The following AGBL4 variants were observed in gnomAD, a reference collection of about 807,000 sequenced individuals.
AGBL4 encodes the protein AGBL carboxypeptidase 4.
In AGBL4, 58 loss-of-function variants were observed where a neutral mutation model predicts 66.4. The ratio of observed to expected loss-of-function variants is 0.87; its 90% CI spans 0.71 to 1.09. The LOEUF is 1.09. Ranked by LOEUF, AGBL4 falls within the 50% of genes least tolerant of loss-of-function variation. The pLI, the probability that AGBL4 is intolerant of heterozygous loss-of-function variation, is 0.00. For synonymous variants in AGBL4, 234 were observed against 222.9 expected, an observed-to-expected ratio of 1.05 and a Z score of -0.44; for missense variants, 579 against 631.0, an observed-to-expected ratio of 0.92 and a Z score of 0.88.
At chr1:48,853,812 A>G (rs995502213) in intron 6 of AGBL4, among the ~76,000 whole-genome samples, 8 of 152,104 alleles carry the variant, frequency 5.3e-5, no homozygotes, top group African/African-American at 1.9e-4. Context: ...CTGGCCTACA[A>G]GAGATATTCC....
At chr1:48,577,725 G>C (rs1328478473) in intron 11 of AGBL4, among the ~76,000 whole-genome samples, 1 of 152,116 alleles carries the variant, frequency 6.6e-6, no homozygotes, top group African/African-American at 2.4e-5. Flanking sequence ...GCATCCAGCA[G>C]AGCTGCAACT....
intron 2 of AGBL4, among the ~76,000 whole-genome samples, chr1:49,773,395 C>T (rs963105611): frequency 6.6e-6 from 1 of 152,140 alleles, no homozygotes; most frequent in Non-Finnish European, 1.5e-5. Context: ...ATCTGCACAT[C>T]GAGTGGAAGT....
At chr1:49,657,151 C>T (rs1339422904) in intron 3 of AGBL4, among the ~76,000 whole-genome samples, 1 of 152,192 alleles carries the variant, frequency 6.6e-6, no homozygotes, top group Non-Finnish European at 1.5e-5. Context: ...TAAGCAGCTT[C>T]AGCAAAGTCT....
intron 4 of AGBL4, among the ~76,000 whole-genome samples, chr1:49,065,201 A>T (rs1401024259): frequency 6.6e-6 from 1 of 152,174 alleles, no homozygotes; most frequent in Non-Finnish European, 1.5e-5. Context: ...GCAGCTAGAC[A>T]GGGGCTTCAA....
chr1:49,933,304 T>C (rs1196752103), intron 1 of AGBL4, among the ~76,000 whole-genome samples: 1 of 151,932 alleles, frequency 6.6e-6, no homozygotes, highest in East Asian at 1.9e-4. Flanking sequence ...AAGAATACTA[T>C]CCCCAGCATA....
chr1:48,720,503 T>A (rs1349550299), intron 6 of AGBL4, among the ~76,000 whole-genome samples: 2 of 152,244 alleles, frequency 1.3e-5, no homozygotes, highest in Non-Finnish European at 2.9e-5. Flanking sequence ...AGATCACAGC[T>A]GTGCCATCTT....
At chr1:48,888,617 G>A (rs1473510142) in intron 5 of AGBL4, among the ~76,000 whole-genome samples, 3 of 152,160 alleles carry the variant, frequency 2.0e-5, no homozygotes, top group East Asian at 1.9e-4. Flanking sequence ...CAAGTTTCCT[G>A]AGGAATCTGC....
intron 4 of AGBL4, among the ~76,000 whole-genome samples, chr1:49,158,362 C>CA (rs200719349): frequency 0.15 from 22,261 of 151,600 alleles, 1,972 homozygotes; most frequent in African/African-American, 0.25. Flanking sequence ...TTCTGCACAG[C>CA]AAAAAAAACT....
intron 4 of AGBL4, among the ~76,000 whole-genome samples, chr1:49,160,538 CT>C (rs1646520324): frequency 6.6e-6 from 1 of 152,136 alleles, no homozygotes; most frequent in Non-Finnish European, 1.5e-5. Flanking sequence ...CAGGGACCCA[CT>C]TGAGGAGGCA....
intron 1 of AGBL4, among the ~76,000 whole-genome samples, chr1:49,941,862 C>G (rs1654791169): frequency 6.6e-6 from 1 of 151,918 alleles, no homozygotes; most frequent in African/African-American, 2.4e-5. Context: ...GTATTCAATA[C>G]AGTACTGACA....
chr1:48,741,340 T>G (rs1322329810), intron 6 of AGBL4, among the ~76,000 whole-genome samples: 1 of 152,128 alleles, frequency 6.6e-6, no homozygotes, highest in African/African-American at 2.4e-5. Context: ...CCCAGAGAAG[T>G]GAAGGATCTT....
chr1:49,919,738 C>T (rs1651995193), intron 1 of AGBL4, among the ~76,000 whole-genome samples: 1 of 152,070 alleles, frequency 6.6e-6, no homozygotes, highest in Admixed American at 6.5e-5. Flanking sequence ...GAAAAAACTA[C>T]TTTAAAGTTC....
At chr1:49,725,977 GA>G (rs1441314856) in intron 2 of AGBL4, among the ~76,000 whole-genome samples, 1 of 152,108 alleles carries the variant, frequency 6.6e-6, no homozygotes, top group Admixed American at 6.5e-5. Flanking sequence ...CTGGATGCTG[GA>G]AACAAAAAGG....
rs1645233488 is a variant in AGBL4 at position 49,816,454 on chromosome 1, A to G, written c.157+34942T>C. Among the ~76,000 whole-genome samples, 4 of 152,196 alleles carry G rather than the reference A, an allele frequency of 2.6e-5. 1 individual carries two copies. The highest frequency in any genetic ancestry group is 2.0e-4 in the Admixed American group (3 of 15,274). ...TTGCCACTTAGTGGTCCAAGGAAAT[A>G]TGTCTATTCATATCTAGATTTTATC... On this transcript the variant is annotated intron_variant, in intron 2 of 13. Coordinates refer to ENST00000371839, the MANE Select transcript of AGBL4 (RefSeq NM_032785.4).
At chr1:48,536,391 A>G (rs1221497820) in intron 12 of AGBL4, among the ~76,000 whole-genome samples, 4 of 152,204 alleles carry the variant, frequency 2.6e-5, no homozygotes, top group African/African-American at 9.7e-5. Flanking sequence ...TTGAATAACA[A>G]GAAGAGTTGA....
rs376618745 is a variant in AGBL4 at position 49,316,230 on chromosome 1, C to A, written c.283-70366G>T. 1.1e-3 allele frequency among the ~76,000 whole-genome samples: 164 copies of A among 152,000 alleles called. 1 individual carries two copies. Among genetic ancestry groups the A allele is most frequent in the African/African-American group, 3.8e-3 (158 of 41,502 alleles). On this transcript the variant is annotated intron_variant, in intron 3 of 13. Transcript: ENST00000371839. ...CATTTGTTAAAATCCATAAAATGTA[C>A]AACGCAGAGTGAATCCTAATGTAAC...
At chr1:49,471,597 A>G (rs975744565) in intron 3 of AGBL4, among the ~76,000 whole-genome samples, 4 of 151,976 alleles carry the variant, frequency 2.6e-5, no homozygotes, top group African/African-American at 9.6e-5. Flanking sequence ...TTTTGCCTCA[A>G]AGATGCAAGA....
At chr1:48,613,133 CAA>C (rs577843427) in intron 9 of AGBL4, among the ~76,000 whole-genome samples, 5 of 141,202 alleles carry the variant, frequency 3.5e-5, no homozygotes, top group Admixed American at 1.4e-4. Flanking sequence ...TACTCCGCCT[CAA>C]AAAAAAAAGA....
intron 1 of AGBL4, among the ~76,000 whole-genome samples, chr1:49,978,392 T>C (rs1658758164): frequency 6.6e-6 from 1 of 152,166 alleles, no homozygotes; most frequent in Admixed American, 6.5e-5. Flanking sequence ...TGCAGTGAGC[T>C]CTGACTGTGC....
Sources: gnomAD v4.1 joint callset for allele counts (sites outside exome capture counted in the v4.1 genomes callset) on GRCh38, gnomAD v4.1.1 for gene constraint, MANE v1.5 for transcripts, NCBI Gene and HGNC (gene_info 2026-07-23, HGNC 2026-07-21) for gene names.